Variants in TXNDC11 observed in about 807,000 individuals in gnomAD.
The protein encoded by TXNDC11 is thioredoxin domain containing 11, also known as thioredoxin domain-containing protein 11.
In TXNDC11, 68 loss-of-function variants were observed where a neutral mutation model predicts 78.0. The observed-to-expected ratio is 0.87, with a 90% CI of 0.72 to 1.07. TXNDC11 has a LOEUF of 1.07. Among genes scored for constraint, TXNDC11 ranks in the 50% least tolerant of loss-of-function variants. The probability of loss-of-function intolerance (pLI) is 0.00; values close to 1 mark genes in which losing one functional copy is unlikely to be tolerated. For missense variants in TXNDC11, 1,389 were observed against 1,221.8 expected (o/e 1.14, Z -2.04); for synonymous variants, 571 against 495.2 (o/e 1.15, Z -2.03).
intron 5 of TXNDC11, among the ~76,000 whole-genome samples, chr16:11,720,740 G>GTT (rs879684101): frequency 7.5e-6 from 1 of 132,698 alleles, no homozygotes; most frequent in African/African-American, 2.8e-5. Flanking sequence ...TATATATATG[G>GTT]TTTTTTTTTT....
rs756721523 is a variant in TXNDC11, at chr16:11,691,796, A to C, written c.1394T>G (p.Phe465Cys). 1 of 1,614,266 alleles carries C rather than the reference A, an allele frequency of 6.2e-7. No individual in the cohort carries two copies. The change falls in exon 8 of 12, where the codon TTT (phenylalanine) becomes TGT (cysteine). Residue 465 changes from phenylalanine (F) to cysteine (C), a missense_variant. Transcript: ENST00000283033. ...ATCCAGAGCTGCTGCCATTTCAAAA[A>C]AGCTGCACTGTGGCACGCTGACCGA... ...PSSVSVPQCS[F>C]FEMAAALDSF...
At position 11,679,141 on chromosome 16, in the gene TXNDC11, A is replaced by G. The variant is rs2141945745; in HGVS notation, c.*54T>C. ...ATAAATTTCAATAAAATTTGCATAA[A>G]TATATTCCCAATGTACAATTTTCAC... On this transcript the variant is annotated 3_prime_UTR_variant, in exon 12 of 12. Transcript: ENST00000283033. The surrounding 1 kb of genome is among the most constrained non-coding windows in gnomAD (Gnocchi z 4.6). 1 of 1,558,378 alleles carries G rather than the reference A, an allele frequency of 6.4e-7. No individual in the cohort carries two copies. The highest frequency in any genetic ancestry group is 2.3e-5 in the East Asian group (1 of 44,314).
chr16:11,679,488 G>A lies in TXNDC11; in HGVS notation c.2584C>T (p.Leu862Phe), dbSNP rs752931807. 1 of 1,613,572 alleles carries A rather than the reference G, an allele frequency of 6.2e-7. No individual in the cohort carries two copies. Among genetic ancestry groups the A allele is most frequent in the South Asian group, 1.1e-5 (1 of 91,076 alleles). The change falls in exon 12 of 12, where the codon CTC (leucine) becomes TTC (phenylalanine). Residue 862 changes from leucine to phenylalanine, a missense_variant. Coordinates refer to ENST00000283033, the MANE Select transcript of TXNDC11 (RefSeq NM_015914.7). The surrounding 1 kb of genome is among the most constrained non-coding windows in gnomAD (Gnocchi z 4.6). ...LHAHSEQLQA[L>F]YEQKTRELQE... The stretch of plus-strand genomic sequence containing the variant: ...AGCTCACGTGTCTTCTGCTCATAGA[G>A]GGCCTGCAGCTGCTCACTGTGTGCG...
At position 11,679,146 on chromosome 16, in the gene TXNDC11, T is replaced by C. The variant is rs1236659614; in HGVS notation, c.*49A>G. 1 of 1,569,692 alleles carries C rather than the reference T, an allele frequency of 6.4e-7. No homozygotes were observed. Among genetic ancestry groups the C allele is most frequent in the African/African-American group, 1.4e-5 (1 of 73,036 alleles). The stretch of plus-strand genomic sequence containing the variant: ...TTTCAATAAAATTTGCATAAATATA[T>C]TCCCAATGTACAATTTTCACCTCTG... On this transcript the variant is annotated 3_prime_UTR_variant, in exon 12 of 12. Coordinates refer to ENST00000283033, the MANE Select transcript of TXNDC11 (RefSeq NM_015914.7). This position sits in a 1 kb window ranked among gnomAD's most constrained non-coding sequence, Gnocchi z 4.6.
intron 4 of TXNDC11, among the ~76,000 whole-genome samples, chr16:11,722,272 C>A (rs1372296327): frequency 6.6e-6 from 1 of 152,150 alleles, no homozygotes; most frequent in African/African-American, 2.4e-5. Context: ...AGAGGACCCG[C>A]CTCTGGCCCT....
intron 4 of TXNDC11, among the ~76,000 whole-genome samples, chr16:11,725,667 T>C (rs2051856105): frequency 6.6e-6 from 1 of 152,210 alleles, no homozygotes; most frequent in Non-Finnish European, 1.5e-5. Flanking sequence ...ACCCAGCTGT[T>C]TGGAACATTT....
chr16:11,707,111 AAATTT>A (rs548528317), intron 5 of TXNDC11, among the ~76,000 whole-genome samples: 27 of 152,150 alleles, frequency 1.8e-4, no homozygotes, highest in Non-Finnish European at 2.9e-4. Context: ...CATATGACTT[AAATTT>A]AATTTTAAAT....
chr16:11,679,570 A>C lies in TXNDC11; in HGVS notation c.2502T>G (p.Asp834Glu). 2.5e-6 allele frequency: 4 copies of C among 1,613,978 alleles called. No homozygotes were observed. Among genetic ancestry groups the C allele is most frequent in the Non-Finnish European group, 2.5e-6 (3 of 1,180,022 alleles). Reference protein sequence around the residue: ...VESQLSSARRDEHRLRQQQRA... With the variant: ...VESQLSSARREEHRLRQQQRA... The stretch of plus-strand genomic sequence containing the variant: ...GCTGCTGCTGCCGCAGCCGGTGCTC[A>C]TCTCTGCGGGCACTGGAGAGCTGGG... The change falls in exon 12 of 12, where the codon GAT (aspartate) becomes GAG (glutamate). Residue 834 changes from aspartate (D) to glutamate (E), a missense_variant. Coordinates refer to ENST00000283033, the MANE Select transcript of TXNDC11 (RefSeq NM_015914.7). The surrounding 1 kb of genome is among the most constrained non-coding windows in gnomAD (Gnocchi z 4.6).
At chr16:11,742,174 T>C in intron 1 of TXNDC11, 1 of 360,696 alleles carries the variant, frequency 2.8e-6, no homozygotes, top group Non-Finnish European at 5.0e-6. Context: ...CGGGCCGAAG[T>C]GACAGGTCCA....
At chr16:11,740,010 T>C (rs1239561829) in intron 1 of TXNDC11, among the ~76,000 whole-genome samples, 1 of 151,956 alleles carries the variant, frequency 6.6e-6, no homozygotes, top group Non-Finnish European at 1.5e-5. Flanking sequence ...CTGGTCAACA[T>C]GGTGAAACCC....
At chr16:11,727,195 A>C (rs1297065476) in intron 4 of TXNDC11, among the ~76,000 whole-genome samples, 1 of 151,820 alleles carries the variant, frequency 6.6e-6, no homozygotes, top group South Asian at 2.1e-4. Flanking sequence ...TAATTAATCA[A>C]TTTTTTTTCT....
At chr16:11,717,491 C>T (rs372666813) in intron 5 of TXNDC11, among the ~76,000 whole-genome samples, 2 of 127,162 alleles carry the variant, frequency 1.6e-5, no homozygotes, top group Non-Finnish European at 3.4e-5. Context: ...AAAGAAAATA[C>T]GAAAGCACTA....
At chr16:11,684,081 T>C in intron 11 of TXNDC11, 84 bp downstream of exon 11, 1 of 966,886 alleles carries the variant, frequency 1.0e-6, no homozygotes, top group South Asian at 1.4e-5. Context: ...ACATAATGAA[T>C]GATTTACATC....
Position 11,691,846 on chromosome 16 carries a change from C to A in TXNDC11, c.1344G>T (p.Gln448His), listed in dbSNP as rs2141991107. The part of the protein sequence containing the change: ...THNVCELCVN[Q>H]TSGGMKPSSV... ...AGCTCGGCTTCATGCCCCCGGAGGT[C>A]TGGTTGACACAGAGTTCACAGACGT... Residue 448 changes from glutamine to histidine, a missense_variant, in exon 8 of 12, where the codon CAG (glutamine) becomes CAT (histidine). Coordinates refer to ENST00000283033, the MANE Select transcript of TXNDC11 (RefSeq NM_015914.7). The A allele has an allele frequency of 6.2e-7, 1 of 1,614,254 alleles. No homozygotes were observed. Among genetic ancestry groups the A allele is most frequent in the Non-Finnish European group, 8.5e-7 (1 of 1,180,040 alleles).
At position 11,734,065 on chromosome 16, in the gene TXNDC11, T is replaced by A. The variant is rs2052141266; in HGVS notation, c.486A>T (p.Ala162=). 1 of 1,600,776 alleles carries A rather than the reference T, an allele frequency of 6.2e-7. No individual in the cohort carries two copies. Among genetic ancestry groups the A allele is most frequent in the Non-Finnish European group, 8.5e-7 (1 of 1,177,196 alleles). Residue 162 remains alanine, a synonymous_variant, in exon 3 of 12, where the codon GCA becomes GCT. Transcript: ENST00000283033. ...TCCCCTGGTTCCACCAACAGTTAATTGCCACAAACAACACCTGCAGAGCCA... is the reference window on the plus strand; with the variant it reads ...TCCCCTGGTTCCACCAACAGTTAATAGCCACAAACAACACCTGCAGAGCCA... The part of the protein sequence containing the change: ...SRLSDQVLFV[A]INCWWNQGKC...
intron 5 of TXNDC11, among the ~76,000 whole-genome samples, chr16:11,709,586 T>C (rs957733154): frequency 6.0e-5 from 9 of 150,834 alleles, no homozygotes. Context: ...AGGCGCCCGC[T>C]ACCATGCCCG....
intron 7 of TXNDC11, among the ~76,000 whole-genome samples, chr16:11,697,170 T>A (rs1038034531): frequency 2.0e-5 from 3 of 152,204 alleles, no homozygotes; most frequent in African/African-American, 7.2e-5. Context: ...AAGAGCAGCA[T>A]TCATTCAGAA....
At chr16:11,737,207 A>C (rs562088408) in intron 1 of TXNDC11, among the ~76,000 whole-genome samples, 17 of 152,274 alleles carry the variant, frequency 1.1e-4, no homozygotes, top group African/African-American at 4.1e-4. Flanking sequence ...GCACTTTGGG[A>C]GGCCGAGGCA....
In TXNDC11 at chr16:11,688,441, A is replaced by G. The variant is rs755831009; in HGVS notation, c.1905T>C (p.Ser635=). The part of the protein sequence containing the change: ...KQALMKLTLE[S]FIQNFSVLYS... ...AGAGAACGCTGAAGTTTTGAATAAAAGACTCTAAAAATAAAGAGAAAATGA... is the reference window on the plus strand; with the variant it reads ...AGAGAACGCTGAAGTTTTGAATAAAGGACTCTAAAAATAAAGAGAAAATGA... The change falls in exon 9 of 12, where the codon TCT becomes TCC. Residue 635 remains serine, a synonymous_variant. Coordinates refer to ENST00000283033, the MANE Select transcript of TXNDC11 (RefSeq NM_015914.7). 15 of 1,603,726 alleles carry G rather than the reference A, an allele frequency of 9.4e-6. No homozygotes were observed. The highest frequency in any genetic ancestry group is 4.5e-5 in the South Asian group (4 of 89,688).
Sources: allele counts gnomAD v4.1 joint callset (sites outside exome capture counted in the v4.1 genomes callset), GRCh38; gene constraint gnomAD v4.1.1; non-coding constraint Gnocchi (gnomAD v3.1); transcripts MANE v1.5; gene names NCBI Gene and HGNC (gene_info 2026-07-23, HGNC 2026-07-21).